The following DOK7 variants were observed in gnomAD, a reference collection of about 807,000 sequenced individuals.
DOK7 encodes protein Dok-7.
A neutral mutation model predicts 30.7 loss-of-function variants in DOK7; 32 were observed. The ratio of observed to expected loss-of-function variants is 1.04; its 90% CI spans 0.79 to 1.40. DOK7 has a LOEUF of 1.40. DOK7 is among the 40% of genes most tolerant of loss of function. The pLI, the probability that DOK7 is intolerant of heterozygous loss-of-function variation, is 0.00. For missense variants in DOK7, 1,007 were observed against 699.2 expected (o/e 1.44, Z -4.97); for synonymous variants, 447 against 324.1 (o/e 1.38, Z -4.07).
intron 6 of DOK7, 129 bp from the exon 7 acceptor site, chr4:3,492,630 G>T (rs372189971): frequency 6.0e-6 from 8 of 1,325,846 alleles, no homozygotes; most frequent in African/African-American, 2.9e-5. Context: ...TAGGCCCCGG[G>T]GCTTGGGGGC....
intron 4 of DOK7, among the ~76,000 whole-genome samples, chr4:3,483,526 C>T (rs552713514): frequency 6.6e-5 from 10 of 152,304 alleles, no homozygotes; most frequent in Admixed American, 5.2e-4. Context: ...CGCGTGGGCA[C>T]GTGGGAGCCC....
At chr4:3,490,468 T>C (rs1395102148) in intron 6 of DOK7, among the ~76,000 whole-genome samples, 1 of 115,698 alleles carries the variant, frequency 8.6e-6, no homozygotes, top group Non-Finnish European at 1.9e-5. Context: ...CATTCCTTTC[T>C]TCTCCCTCTG....
chr4:3,493,233 G>T lies in DOK7; in HGVS notation c.1247G>T (p.Arg416Ile), dbSNP rs1392647950. 23 of 1,611,962 alleles carry T rather than the reference G, an allele frequency of 1.4e-5. No individual in the cohort carries two copies. Among genetic ancestry groups the T allele is most frequent in the Non-Finnish European group, 1.9e-5 (23 of 1,179,714 alleles). Reference protein sequence around the residue: ...DTPRSLCLAPRDHSPPSQGSP... With the variant: ...DTPRSLCLAPIDHSPPSQGSP... ...CCACGCAGCCTTTGCCTGGCTCCTA[G>T]AGACCACAGCCCCCCCTCACAGGGC... Residue 416 changes from arginine to isoleucine, a missense_variant, in exon 7 of 7, where the codon AGA becomes ATA. Arg to Ile is a moderately conservative substitution (Grantham distance 97). Transcript: ENST00000340083.
chr4:3,499,971 G>A (rs1729112273), intron 6 of DOK7, among the ~76,000 whole-genome samples: 1 of 151,862 alleles, frequency 6.6e-6, no homozygotes. Flanking sequence ...GGGGGGGTCG[G>A]CAATTCCTGC....
chr4:3,494,524 C>T (rs900055072), downstream of DOK7: 33 of 985,476 alleles, frequency 3.3e-5, no homozygotes, highest in Middle Eastern at 5.1e-4. Context: ...TCCGCCTCCT[C>T]GCCCACCCTC....
intron 6 of DOK7, among the ~76,000 whole-genome samples, chr4:3,490,805 C>T (rs1219395537): frequency 1.3e-5 from 1 of 76,490 alleles, no homozygotes; most frequent in Non-Finnish European, 2.5e-5. Context: ...TCCTCTGCCC[C>T]CCCGCTCATT....
At chr4:3,496,411 C>T (rs979234067), downstream of DOK7, among the ~76,000 whole-genome samples, 11 of 152,370 alleles carry the variant, frequency 7.2e-5, no homozygotes, top group Middle Eastern at 6.8e-3. Context: ...CAGGCACCCT[C>T]GGAGCAGCCG....
At chr4:3,484,362 G>A (rs1727621726) in intron 4 of DOK7, among the ~76,000 whole-genome samples, 1 of 152,188 alleles carries the variant, frequency 6.6e-6, no homozygotes, top group Admixed American at 6.5e-5. Context: ...AGCATGACTG[G>A]GCAGCAGGCA....
At chr4:3,490,938 TGCTCATTCATTCCTTCTCC>T (rs1728342338) in intron 6 of DOK7, among the ~76,000 whole-genome samples, 2 of 134,124 alleles carry the variant, frequency 1.5e-5, no homozygotes, top group Admixed American at 7.6e-5. Flanking sequence ...CTTCTTCCCC[TGCTCATTCATTCCTTCTCC>T]CCCTGCTCAT....
In DOK7 at chr4:3,485,547, G is replaced by A. The variant is rs146076204; in HGVS notation, c.541G>A (p.Val181Ile). The A allele has an allele frequency of 2.0e-5, 32 of 1,602,186 alleles. No homozygotes were observed. Among genetic ancestry groups the A allele is most frequent in the Admixed American group, 5.1e-5 (3 of 59,264 alleles). ...CTGTCCTTCCTCTGCAGGGGCTGGC[G>A]TCTTCTTCCTGTCCTCGGCCGAGGG... ...GGTRCGYWAG[V>I]FFLSSAEGEQ... The change falls in exon 5 of 7, where the codon GTC becomes ATC. Residue 181 changes from valine to isoleucine, a missense_variant. Val to Ile is a conservative substitution (Grantham distance 29). Transcript: ENST00000340083.
intron 5 of DOK7, among the ~76,000 whole-genome samples, chr4:3,487,429 C>T (rs2109379519): frequency 6.6e-6 from 1 of 152,354 alleles, no homozygotes; most frequent in East Asian, 1.9e-4. Context: ...TTTCTGCCGT[C>T]CTCCTGTGCT....
intron 2 of DOK7, among the ~76,000 whole-genome samples, chr4:3,469,318 G>A (rs1239267552): frequency 1.3e-5 from 2 of 152,090 alleles, no homozygotes; most frequent in East Asian, 3.9e-4. Context: ...ACGACCCGGT[G>A]CCCTCCACCC....
intron 5 of DOK7, among the ~76,000 whole-genome samples, chr4:3,488,944 C>T (rs376253587): frequency 7.2e-5 from 11 of 152,290 alleles, no homozygotes; most frequent in African/African-American, 2.2e-4. Context: ...CCAGCATGGG[C>T]GGGGGCTTGG....
chr4:3,497,938 C>T (rs1729003039), downstream of DOK7, among the ~76,000 whole-genome samples: 1 of 152,198 alleles, frequency 6.6e-6, no homozygotes, highest in Non-Finnish European at 1.5e-5. Context: ...CCGTACCCTT[C>T]AGATGTCTTT....
chr4:3,500,265 G>C, exon 7 of DOK7: 1 of 1,535,772 alleles, frequency 6.5e-7, no homozygotes, highest in South Asian at 1.2e-5. Flanking sequence ...CCCAGGACCC[G>C]TGGCTGTGGA....
At chr4:3,492,502 G>A (rs1204881101) in intron 6 of DOK7, among the ~76,000 whole-genome samples, 3 of 152,088 alleles carry the variant, frequency 2.0e-5, no homozygotes, top group Non-Finnish European at 2.9e-5. Flanking sequence ...TGGCAGGGGT[G>A]CTGAGAGGGA....
chr4:3,489,348 T>A (rs1202916552), intron 5 of DOK7, among the ~76,000 whole-genome samples: 1 of 152,088 alleles, frequency 6.6e-6, no homozygotes, highest in Non-Finnish European at 1.5e-5. Context: ...GCTGGTCATT[T>A]TTTGGAACAG....
At chr4:3,501,062 AC>A in exon 8 of DOK7, 1 of 612,576 alleles carries the variant, frequency 1.6e-6, no homozygotes, top group Non-Finnish European at 2.7e-6. Flanking sequence ...GTTGCTCTGG[AC>A]CCCAGGCTGA....
At position 3,469,447 on chromosome 4, in the gene DOK7, C is replaced by T. The variant is rs898803327; in HGVS notation, c.101-3959C>T. Among the ~76,000 whole-genome samples the T allele has an allele frequency of 2.0e-5, 3 of 152,232 alleles. No individual in the cohort carries two copies. In the East Asian group the frequency reaches 5.8e-4, roughly 29 times the overall value. ...TGGGTGGGCAGGGCTGATGGTGGTT[C>T]CTCAGCCGCCAGGCAAGAGACCCCC... is the stretch of plus-strand genomic sequence containing the variant. On this transcript the variant is annotated intron_variant, in intron 2 of 6. Coordinates refer to ENST00000340083, the MANE Select transcript of DOK7 (RefSeq NM_173660.5).
Sources: gnomAD v4.1 joint callset for allele counts (sites outside exome capture counted in the v4.1 genomes callset) on GRCh38, gnomAD v4.1.1 for gene constraint, MANE v1.5 for transcripts, NCBI Gene and HGNC (gene_info 2026-07-23, HGNC 2026-07-21) for gene names.